Variants in STPG2 observed in about 807,000 individuals in gnomAD.
The protein encoded by STPG2 is sperm tail PG-rich repeat containing 2.
In STPG2, 56 loss-of-function variants were observed where a neutral mutation model predicts 54.2. The ratio of observed to expected loss-of-function variants is 1.03; its 90% CI spans 0.83 to 1.29. The LOEUF (loss-of-function observed/expected upper bound fraction) is 1.29, where lower values mean the gene tolerates loss of function less well. Ranked by LOEUF, STPG2 falls within the 50% of genes most tolerant of loss-of-function variation. The pLI is 0.00. For synonymous variants in STPG2, 200 were observed against 181.8 expected, an observed-to-expected ratio of 1.10 and a Z score of -0.81; for missense variants, 596 against 544.9, an observed-to-expected ratio of 1.09 and a Z score of -0.93.
intron 10 of STPG2, among the ~76,000 whole-genome samples, chr4:97,692,269 A>G (rs920121406): frequency 6.6e-6 from 1 of 151,490 alleles, no homozygotes; most frequent in Non-Finnish European, 1.5e-5. Flanking sequence ...AGCCCAGCTT[A>G]AAGAAATCAA....
intron 1 of STPG2, among the ~76,000 whole-genome samples, chr4:98,134,739 G>A (rs4699328): frequency 0.4 from 59,738 of 150,598 alleles, 12,069 homozygotes; most frequent in Middle Eastern, 0.46. Context: ...ATCACTTTTG[G>A]TGGGGATGAA....
intron 7 of STPG2, among the ~76,000 whole-genome samples, chr4:97,961,104 AC>A (rs1257628472): frequency 1.3e-5 from 2 of 151,656 alleles, no homozygotes; most frequent in Non-Finnish European, 1.5e-5. Flanking sequence ...AAAAAAAAAA[AC>A]ACCCTATTCA....
chr4:97,779,296 A>G (rs956181355), intron 9 of STPG2, among the ~76,000 whole-genome samples: 2 of 152,250 alleles, frequency 1.3e-5, no homozygotes, highest in East Asian at 1.9e-4. Context: ...TACAAGCTTC[A>G]GTAACCGATT....
intron 7 of STPG2, among the ~76,000 whole-genome samples, chr4:97,950,823 G>A (rs1021537037): frequency 4.6e-5 from 7 of 152,124 alleles, no homozygotes; most frequent in Non-Finnish European, 1.0e-4. Flanking sequence ...CACCCTTCCT[G>A]TTTGGAGACT....
At chr4:97,596,757 G>A (rs1334661836) in intron 10 of STPG2, among the ~76,000 whole-genome samples, 1 of 152,046 alleles carries the variant, frequency 6.6e-6, no homozygotes, top group Non-Finnish European at 1.5e-5. Flanking sequence ...CTGGGACATA[G>A]CTAAAGCAGA....
In STPG2 at chr4:97,731,244, T is replaced by C. The variant is rs112452149; in HGVS notation, c.1205-18430A>G. On this transcript the variant is annotated intron_variant, in intron 9 of 10. Transcript: ENST00000295268. ...TACGCTGAGTATAGTCAATTGGCTT[T>C]GTTTCTGGGTGCTTCAGAGGGCCAA... 5.8e-3 allele frequency among the ~76,000 whole-genome samples: 881 copies of C among 152,258 alleles called. 5 individuals are homozygous for C. Among genetic ancestry groups the C allele is most frequent in the Middle Eastern group, 0.02 (6 of 294 alleles).
At chr4:98,061,509 A>G (rs1737655240) in intron 5 of STPG2, among the ~76,000 whole-genome samples, 2 of 152,092 alleles carry the variant, frequency 1.3e-5, no homozygotes, top group South Asian at 4.1e-4. Context: ...ATCACCTCCC[A>G]CCAGGTCTCT....
At chr4:97,733,446 G>A (rs1025493526) in intron 9 of STPG2, among the ~76,000 whole-genome samples, 1 of 151,870 alleles carries the variant, frequency 6.6e-6, no homozygotes, top group Non-Finnish European at 1.5e-5. Context: ...AAGGGGGAGG[G>A]TGGGAGAGGA....
chr4:97,903,730 C>T (rs1446766107), intron 8 of STPG2, among the ~76,000 whole-genome samples: 1 of 152,180 alleles, frequency 6.6e-6, no homozygotes, highest in African/African-American at 2.4e-5. Context: ...GGGCGCAGGT[C>T]AGTGGGTGCG....
chr4:97,868,308 T>A (rs565795583), intron 8 of STPG2, among the ~76,000 whole-genome samples: 1 of 152,050 alleles, frequency 6.6e-6, no homozygotes, highest in East Asian at 1.9e-4. Flanking sequence ...ATAATTTTGA[T>A]GGTGAGTTCA....
chr4:97,751,532 T>C (rs1439382858), intron 9 of STPG2, among the ~76,000 whole-genome samples: 2 of 151,810 alleles, frequency 1.3e-5, no homozygotes, highest in African/African-American at 2.4e-5. Context: ...AAGGTTCAAA[T>C]TGAACATATT....
chr4:97,783,740 G>T (rs1416547393), intron 9 of STPG2, among the ~76,000 whole-genome samples: 1 of 152,160 alleles, frequency 6.6e-6, no homozygotes, highest in East Asian at 1.9e-4. Flanking sequence ...ATACTATGCA[G>T]CTATAAAAAA....
intron 10 of STPG2, among the ~76,000 whole-genome samples, chr4:97,628,279 A>T (rs545434296): frequency 3.3e-5 from 5 of 152,126 alleles, no homozygotes; most frequent in African/African-American, 4.8e-5. Context: ...AGACATCGTA[A>T]CATCTCCTTT....
chr4:97,695,676 A>C (rs1298975232), intron 10 of STPG2, among the ~76,000 whole-genome samples: 1 of 152,142 alleles, frequency 6.6e-6, no homozygotes, highest in Non-Finnish European at 1.5e-5. Flanking sequence ...AATGTACACA[A>C]ATCAGTAGTC....
rs70953067 is a variant in STPG2 at position 97,452,120 on chromosome 4, A to ACC, written c.462+260577_462+260578dup. ...TAGAGCAGGCAGGAGCCCCGCCCCC[A>ACC]CCCCCCCCCCCCCCCGCCCCCAGCA... On this transcript the variant is annotated intron_variant, in intron 4 of 4. Transcript: ENST00000522676. Among the ~76,000 whole-genome samples the ACC allele has an allele frequency of 6.2e-4, 12 of 19,444 alleles. No individual in the cohort carries two copies. The East Asian group carries it at 0.011, about 18-fold the overall frequency. 12.8% of individuals were successfully genotyped at this position (19,444 alleles called of 152,430 possible).
At chr4:97,477,904 T>C (rs189787915) in intron 4 of STPG2, among the ~76,000 whole-genome samples, 9 of 152,272 alleles carry the variant, frequency 5.9e-5, no homozygotes, top group Admixed American at 3.9e-4. Flanking sequence ...TCAACACATA[T>C]TTGTAAATCA....
At position 97,742,563 on chromosome 4, in the gene STPG2, GTGTCTA is replaced by G. The variant is rs1474376709; in HGVS notation, c.1205-29755_1205-29750del. ...TGTGTGTGTGTGTGTGTGTGTGTGT[GTGTCTA>G]TATATATATGGAATACTATCAGGTC... On this transcript the variant is annotated intron_variant, in intron 9 of 10. Coordinates refer to ENST00000295268, the MANE Select transcript of STPG2 (RefSeq NM_174952.3). 6.5e-4 allele frequency among the ~76,000 whole-genome samples: 78 copies of G among 119,270 alleles called. 1 individual carries two copies. Among genetic ancestry groups the G allele is most frequent in the South Asian group, 5.2e-4 (2 of 3,854 alleles). 78.2% of individuals were successfully genotyped at this position (119,270 alleles called of 152,430 possible).
intron 10 of STPG2, among the ~76,000 whole-genome samples, chr4:97,668,327 A>G (rs569727982): frequency 2.0e-5 from 3 of 152,198 alleles, no homozygotes; most frequent in Non-Finnish European, 4.4e-5. Context: ...ACAAGTGGCC[A>G]GACTGTGAAA....
intron 10 of STPG2, among the ~76,000 whole-genome samples, chr4:97,635,738 C>A (rs943555229): frequency 3.8e-4 from 57 of 151,664 alleles, no homozygotes; most frequent in African/African-American, 1.2e-3. Context: ...TCGAAAGAGA[C>A]AAAGAAGGCC....
Sources: gnomAD v4.1 joint callset for allele counts (sites outside exome capture counted in the v4.1 genomes callset) on GRCh38, gnomAD v4.1.1 for gene constraint, MANE v1.5 for transcripts, NCBI Gene and HGNC (gene_info 2026-07-23, HGNC 2026-07-21) for gene names.